Variants in MEIS2 observed in about 807,000 individuals in gnomAD.
MEIS2 encodes Meis homeobox 2, also known as homeobox protein Meis2.
MEIS2 carries 9 observed loss-of-function variants against 58.6 expected under a neutral mutation model. The observed-to-expected ratio is 0.15, with a 90% CI of 0.09 to 0.27. The LOEUF (loss-of-function observed/expected upper bound fraction) is 0.27. MEIS2 is among the 10% of genes least tolerant of loss of function. The pLI, the probability that MEIS2 is intolerant of heterozygous loss-of-function variation, is 1.00. For missense variants in MEIS2, 427 were observed against 635.0 expected, an observed-to-expected ratio of 0.67 and a Z score of 3.52; for synonymous variants, 221 against 228.4, an observed-to-expected ratio of 0.97 and a Z score of 0.29.
chr15:37,037,818 A>G (rs1223502862), intron 7 of MEIS2, among the ~76,000 whole-genome samples: 1 of 152,200 alleles, frequency 6.6e-6, no homozygotes, highest in East Asian at 1.9e-4. Flanking sequence ...TGTTTTTGGG[A>G]AGGCATCAAT....
At chr15:37,085,217 C>T (rs1432726442) in intron 6 of MEIS2, among the ~76,000 whole-genome samples, 4 of 152,096 alleles carry the variant, frequency 2.6e-5, no homozygotes, top group African/African-American at 9.7e-5. Flanking sequence ...AAAGTATACA[C>T]TGTTTCTTAC....
At chr15:37,056,115 G>A (rs1040176778) in intron 7 of MEIS2, among the ~76,000 whole-genome samples, 1 of 152,184 alleles carries the variant, frequency 6.6e-6, no homozygotes, top group African/African-American at 2.4e-5. Flanking sequence ...TAATTGGAAT[G>A]AGCATGAAAA....
chr15:36,907,929 GA>G (rs5811946), intron 9 of MEIS2, among the ~76,000 whole-genome samples: 2 of 150,868 alleles, frequency 1.3e-5, no homozygotes, highest in African/African-American at 2.4e-5. Context: ...TGCCAATGGG[GA>G]AAAAAAAATC....
rs1261752772 is a variant in MEIS2, at chr15:37,096,193, G to A, written c.387+96C>T. On this transcript the variant is annotated intron_variant, in intron 3 of 11. Coordinates refer to ENST00000561208, the MANE Select transcript of MEIS2 (RefSeq NM_170675.5). ...GGACTGGGCCAGAGGAACAGATAGG[G>A]TGTCCCTGGCCTTTCCTCCTTTCAA... 8.2e-6 allele frequency: 11 copies of A among 1,337,284 alleles called. No individual in the cohort carries two copies. The African/African-American group carries it at 1.0e-4, about 13-fold the overall frequency. 82.8% of individuals were successfully genotyped at this position (1,337,284 alleles called of 1,614,324 possible).
intron 9 of MEIS2, among the ~76,000 whole-genome samples, chr15:36,900,124 A>G (rs1251248979): frequency 1.3e-5 from 2 of 152,224 alleles, no homozygotes; most frequent in Non-Finnish European, 2.9e-5. Flanking sequence ...CTACTTTTCT[A>G]TCGGTTTAAA....
At chr15:36,897,669 T>A (rs1475117279) in intron 9 of MEIS2, 1 of 152,212 alleles carries the variant, frequency 6.6e-6, no homozygotes, top group Non-Finnish European at 1.5e-5. Context: ...CTTAACGACG[T>A]GTATTCCCCA....
intron 8 of MEIS2, among the ~76,000 whole-genome samples, chr15:37,022,546 G>T (rs567938365): frequency 6.6e-6 from 1 of 152,186 alleles, no homozygotes; most frequent in East Asian, 1.9e-4. Flanking sequence ...ACCACACCAG[G>T]CCAATGCTGA....
In MEIS2 at chr15:37,037,237, A is replaced by C. The variant is rs2062193442; in HGVS notation, c.755-278T>G. Among the ~76,000 whole-genome samples the C allele has an allele frequency of 1.3e-5, 2 of 152,152 alleles. 1 individual carries two copies. The highest frequency in any genetic ancestry group is 4.1e-4 in the South Asian group (2 of 4,822). ...GCAGTAGCTCTTTGTCAATTATGGA[A>C]TCCAATGTGGGAAAACCGCCATCAG... On this transcript the variant is annotated intron_variant, in intron 7 of 11. Coordinates refer to ENST00000561208, the MANE Select transcript of MEIS2 (RefSeq NM_170675.5).
intron 7 of MEIS2, among the ~76,000 whole-genome samples, chr15:37,059,322 A>G (rs1042350448): frequency 6.6e-6 from 1 of 152,218 alleles, no homozygotes; most frequent in Non-Finnish European, 1.5e-5. Context: ...AGGGAGTCAA[A>G]CGAGTCTATC....
At chr15:37,034,820 C>G (rs1265336779) in intron 8 of MEIS2, among the ~76,000 whole-genome samples, 2 of 152,114 alleles carry the variant, frequency 1.3e-5, no homozygotes, top group African/African-American at 4.8e-5. Flanking sequence ...TAAAGGTGAT[C>G]GTCATTTTGG....
intron 7 of MEIS2, among the ~76,000 whole-genome samples, chr15:37,050,403 T>C (rs1681100578): frequency 6.6e-6 from 1 of 152,196 alleles, no homozygotes; most frequent in Non-Finnish European, 1.5e-5. Flanking sequence ...TGGGTTTATA[T>C]CTAAAACTTG....
chr15:36,894,163 T>G (rs2056041664), intron 11 of MEIS2, among the ~76,000 whole-genome samples: 1 of 152,106 alleles, frequency 6.6e-6, no homozygotes, highest in African/African-American at 2.4e-5. Flanking sequence ...AGTAGGCACA[T>G]GTAAAAAATA....
intron 9 of MEIS2, among the ~76,000 whole-genome samples, chr15:36,944,630 C>T (rs763953307): frequency 6.6e-6 from 1 of 152,048 alleles, no homozygotes; most frequent in African/African-American, 2.4e-5. Flanking sequence ...TCATCAGCAT[C>T]GGCAGTTTCA....
At chr15:37,002,059 G>C (rs564913353) in intron 8 of MEIS2, among the ~76,000 whole-genome samples, 1 of 152,176 alleles carries the variant, frequency 6.6e-6, no homozygotes, top group South Asian at 2.1e-4. Context: ...TATTCTGTCT[G>C]TTTCTTGCTC....
chr15:37,043,585 T>C (rs981178541), intron 7 of MEIS2, among the ~76,000 whole-genome samples: 2 of 152,150 alleles, frequency 1.3e-5, no homozygotes, highest in Non-Finnish European at 2.9e-5. Context: ...TTTTTGCCTA[T>C]AGTCGGATAC....
intron 8 of MEIS2, among the ~76,000 whole-genome samples, chr15:36,992,353 C>A (rs1293944334): frequency 6.6e-6 from 1 of 151,956 alleles, no homozygotes; most frequent in Non-Finnish European, 1.5e-5. Flanking sequence ...GTAATAGTGA[C>A]AAGTGTTACA....
chr15:36,989,733 A>G (rs2060207881), intron 8 of MEIS2, among the ~76,000 whole-genome samples: 1 of 152,232 alleles, frequency 6.6e-6, no homozygotes, highest in Non-Finnish European at 1.5e-5. Flanking sequence ...ACTATGTGCC[A>G]CATTTCACAT....
chr15:37,017,304 T>A (rs2061381408), intron 8 of MEIS2, among the ~76,000 whole-genome samples: 2 of 152,022 alleles, frequency 1.3e-5, no homozygotes, highest in South Asian at 4.2e-4. Context: ...GAAAGAATAA[T>A]CGTCTACACA....
intron 8 of MEIS2, among the ~76,000 whole-genome samples, chr15:36,985,789 G>A (rs1260184831): frequency 6.6e-6 from 1 of 152,130 alleles, no homozygotes; most frequent in African/African-American, 2.4e-5. Flanking sequence ...GTTCCCAAGA[G>A]CCAGAGAGGG....
Sources: gnomAD v4.1 joint callset for allele counts (sites outside exome capture counted in the v4.1 genomes callset) on GRCh38, gnomAD v4.1.1 for gene constraint, MANE v1.5 for transcripts, NCBI Gene and HGNC (gene_info 2026-07-23, HGNC 2026-07-21) for gene names.